The following THSD8 variants were observed in gnomAD, a reference collection of about 807,000 sequenced individuals.
The protein encoded by THSD8 is thrombospondin type-1 domain-containing protein 8.
rs1329703501 is a variant in THSD8, at chr19:12,804,094, CCTT to C, written c.149-7_149-5del. 1.3e-5 allele frequency: 5 copies of C among 398,402 alleles called. No individual in the cohort carries two copies. The highest frequency in any genetic ancestry group is 1.8e-5 in the Non-Finnish European group (4 of 226,078). 24.7% of individuals were successfully genotyped at this position (398,402 alleles called of 1,614,324 possible). On this transcript the variant is annotated splice_polypyrimidine_tract_variant and splice_region_variant and intron_variant, in intron 1 of 1. Coordinates refer to ENST00000639810, the MANE Select transcript of THSD8 (RefSeq NM_001386800.1). The stretch of plus-strand genomic sequence containing the variant: ...CCACGTAGGTCTTCACCTCTGCCCT[CCTT>C]CTCTAGAAGTCGAGGACTCAATCCT...
chr19:12,803,818 A>AGGAGGATT (rs920185713), intron 1 of THSD8, among the ~76,000 whole-genome samples: 6 of 140,828 alleles, frequency 4.3e-5, no homozygotes, highest in Non-Finnish European at 9.2e-5. Flanking sequence ...AGGCCGAGGT[A>AGGAGGATT]GGAGGATTGC....
chr19:12,802,080 G>T lies in THSD8; in HGVS notation c.9G>T (p.Arg3=), dbSNP rs566564316. 10 of 398,594 alleles carry T rather than the reference G, an allele frequency of 2.5e-5. No individual in the cohort carries two copies. In the South Asian group the frequency reaches 1.3e-3, roughly 51 times the overall value. 24.7% of individuals were successfully genotyped at this position (398,594 alleles called of 1,614,324 possible). A position where few individuals can be genotyped will look rare whatever the true frequency, so the allele number is the denominator to read the frequency against. ...GGCCGTTGGAGTCCAGCATGGCGCGGACCCCGGGGGCGCTGCTGCTGGCGC... is the reference window on the plus strand; with the variant it reads ...GGCCGTTGGAGTCCAGCATGGCGCGTACCCCGGGGGCGCTGCTGCTGGCGC... MA[R]TPGALLLAPL... is the part of the protein sequence containing the mutation. The change falls in exon 1 of 2, where the codon CGG becomes CGT. Residue 3 remains arginine (R), a synonymous_variant. Coordinates refer to ENST00000639810, the MANE Select transcript of THSD8 (RefSeq NM_001386800.1).
chr19:12,803,201 G>A (rs1428595785), intron 1 of THSD8, among the ~76,000 whole-genome samples: 3 of 152,212 alleles, frequency 2.0e-5, no homozygotes, highest in African/African-American at 7.2e-5. Flanking sequence ...GCTGCAGTGA[G>A]CCATGATTAT....
chr19:12,803,053 G>A (rs1056357893), intron 1 of THSD8, among the ~76,000 whole-genome samples: 2 of 151,962 alleles, frequency 1.3e-5, no homozygotes, highest in Admixed American at 6.6e-5. Context: ...GGGCAACATG[G>A]AGAGACCCCC....
rs1250653291 is a variant in THSD8, at chr19:12,804,124, G to A, written c.169G>A (p.Gly57Ser). 2 of 398,390 alleles carry A rather than the reference G, an allele frequency of 5.0e-6. No individual in the cohort carries two copies. Among genetic ancestry groups the A allele is most frequent in the African/African-American group, 4.1e-5 (2 of 48,560 alleles). 24.7% of individuals were successfully genotyped at this position (398,390 alleles called of 1,614,324 possible). A position where few individuals can be genotyped will look rare whatever the true frequency, so the allele number is the denominator to read the frequency against. ...TCTAGAAGTCGAGGACTCAATCCTT[G>A]GCCCGTGGGGAAAGTGGCGGTGTCT... is the stretch of plus-strand genomic sequence containing the variant. The part of the protein sequence containing the change: ...HLKEVEDSIL[G>S]PWGKWRCLCD... Residue 57 changes from glycine (G) to serine (S), a missense_variant, in exon 2 of 2, where the codon GGC (glycine) becomes AGC (serine). Transcript: ENST00000639810.
chr19:12,802,117 C>T lies in THSD8; in HGVS notation c.46C>T (p.Leu16=). Residue 16 remains leucine (L), a synonymous_variant, in exon 1 of 2, where the codon CTG becomes TTG. Coordinates refer to ENST00000639810, the MANE Select transcript of THSD8 (RefSeq NM_001386800.1). ...GALLLAPLLL[L]QLATPALVYQ... is the part of the protein sequence containing the mutation. ...GCTGCTGCTGGCGCCTCTGCTACTC[C>T]TGCAGCTGGCGACCCCTGCCCTGGT... 2.5e-6 allele frequency: 1 copy of T among 398,730 alleles called. No individual in the cohort carries two copies. The highest frequency in any genetic ancestry group is 4.4e-5 in the Admixed American group (1 of 22,738). 24.7% of individuals were successfully genotyped at this position (398,730 alleles called of 1,614,324 possible). A position where few individuals can be genotyped will look rare whatever the true frequency, so the allele number is the denominator to read the frequency against.
At chr19:12,803,622 T>C (rs927065599) in intron 1 of THSD8, among the ~76,000 whole-genome samples, 1 of 151,984 alleles carries the variant, frequency 6.6e-6, no homozygotes, top group African/African-American at 2.4e-5. Flanking sequence ...AAATATTAAA[T>C]GAGGCCAGGC....
chr19:12,803,141 G>T (rs898653284), intron 1 of THSD8, among the ~76,000 whole-genome samples: 1 of 152,122 alleles, frequency 6.6e-6, no homozygotes, highest in African/African-American at 2.4e-5. Flanking sequence ...TGTAGTCCCA[G>T]CTACTCAAGA....
At chr19:12,802,681 G>A (rs1370804386) in intron 1 of THSD8, among the ~76,000 whole-genome samples, 2 of 152,160 alleles carry the variant, frequency 1.3e-5, no homozygotes, top group African/African-American at 2.4e-5. Context: ...GAAAGAGGTC[G>A]GTGAGGTGTG....
In THSD8 at chr19:12,802,103, C is replaced by T. The variant is rs1968914443; in HGVS notation, c.32C>T (p.Ala11Val). 2.5e-6 allele frequency: 1 copy of T among 398,726 alleles called. No individual in the cohort carries two copies. The allele number at this position is 398,726 out of a possible 1,614,324, so 24.7% of individuals were successfully genotyped here. A position where few individuals can be genotyped will look rare whatever the true frequency, so the allele number is the denominator to read the frequency against. MARTPGALLL[A>V]PLLLLQLATP... ...CGGACCCCGGGGGCGCTGCTGCTGG[C>T]GCCTCTGCTACTCCTGCAGCTGGCG... Residue 11 changes from alanine to valine, a missense_variant, in exon 1 of 2, where the codon GCG (alanine) becomes GTG (valine). Coordinates refer to ENST00000639810, the MANE Select transcript of THSD8 (RefSeq NM_001386800.1).
intron 1 of THSD8, among the ~76,000 whole-genome samples, chr19:12,802,902 C>T (rs1039602520): frequency 5.3e-5 from 8 of 151,966 alleles, no homozygotes; most frequent in East Asian, 1.9e-4. Context: ...CCCTTGGTCT[C>T]GGAGACCAGA....
intron 1 of THSD8, among the ~76,000 whole-genome samples, chr19:12,802,620 A>C (rs1250955643): frequency 6.6e-6 from 1 of 152,174 alleles, no homozygotes; most frequent in Non-Finnish European, 1.5e-5. Flanking sequence ...AAGAATGTCC[A>C]AGGAAGAGGG....
Position 12,802,232 on chromosome 19 carries a change from G to T in THSD8, c.148+13G>T. 1 of 398,684 alleles carries T rather than the reference G, an allele frequency of 2.5e-6. No individual in the cohort carries two copies. Among genetic ancestry groups the T allele is most frequent in the African/African-American group, 2.1e-5 (1 of 48,774 alleles). 24.7% of individuals were successfully genotyped at this position (398,684 alleles called of 1,614,324 possible). On this transcript the variant is annotated intron_variant, in intron 1 of 1. Transcript: ENST00000639810. ...CAGCATCTAAAGGGTAACCTCAGGC[G>T]GCGGGGATGACGATGCCCAAAGGCT...
chr19:12,802,837 G>C (rs1968926748), intron 1 of THSD8, among the ~76,000 whole-genome samples: 1 of 152,076 alleles, frequency 6.6e-6, no homozygotes. Context: ...ACAGTGGCCG[G>C]CGCGGTAGCT....
rs559940104 is a variant in THSD8 at position 12,804,265 on chromosome 19, C to T, written c.310C>T (p.Pro104Ser). 5.0e-6 allele frequency: 2 copies of T among 398,398 alleles called. No homozygotes were observed. The highest frequency in any genetic ancestry group is 2.1e-5 in the African/African-American group (1 of 48,584). 24.7% of individuals were successfully genotyped at this position (398,398 alleles called of 1,614,324 possible). A position where few individuals can be genotyped will look rare whatever the true frequency, so the allele number is the denominator to read the frequency against. The change falls in exon 2 of 2, where the codon CCA (proline) becomes TCA (serine). Residue 104 changes from proline to serine, a missense_variant. Pro to Ser is a moderately conservative substitution (Grantham distance 74, BLOSUM62 -1). Transcript: ENST00000639810. ...ACGGCCCTGCCGGCAACGGGATTGT[C>T]CATCCTGCAAGCCCTTCGACTGCGA... ...QLRPCRQRDC[P>S]SCKPFDCDWR... is the part of the protein sequence containing the mutation.
In THSD8 at chr19:12,804,215, T is replaced by C. The variant is rs1034583083; in HGVS notation, c.260T>C (p.Met87Thr). 2.5e-6 allele frequency: 1 copy of C among 398,014 alleles called. No individual in the cohort carries two copies. The highest frequency in any genetic ancestry group is 2.1e-5 in the African/African-American group (1 of 48,484). The allele number at this position is 398,014 out of a possible 1,614,324, so 24.7% of individuals were successfully genotyped here. Residue 87 changes from methionine to threonine, a missense_variant, in exon 2 of 2, where the codon ATG (methionine) becomes ACG (threonine). Coordinates refer to ENST00000639810, the MANE Select transcript of THSD8 (RefSeq NM_001386800.1). ...VVGTAPGPVFMDPEKLIQLRP... is the reference protein window; with the variant it reads ...VVGTAPGPVFTDPEKLIQLRP... ...GGCACAGCGCCGGGCCCGGTTTTCA[T>C]GGACCCGGAGAAGCTGATCCAGTTA...
intron 1 of THSD8, among the ~76,000 whole-genome samples, chr19:12,803,285 T>C (rs1968932183): frequency 6.6e-6 from 1 of 152,070 alleles, no homozygotes; most frequent in African/African-American, 2.4e-5. Context: ...ATAAACAAAC[T>C]GATCATAATA....
chr19:12,802,848 C>G (rs1968927094), intron 1 of THSD8, among the ~76,000 whole-genome samples: 1 of 152,030 alleles, frequency 6.6e-6, no homozygotes, highest in African/African-American at 2.4e-5. Context: ...CGCGGTAGCT[C>G]ACGCCTATAA....
Position 12,802,128 on chromosome 19 carries a change from G to A in THSD8, c.57G>A (p.Ala19=). 1 of 398,702 alleles carries A rather than the reference G, an allele frequency of 2.5e-6. No individual in the cohort carries two copies. Among genetic ancestry groups the A allele is most frequent in the Non-Finnish European group, 4.4e-6 (1 of 226,114 alleles). The allele number at this position is 398,702 out of a possible 1,614,324, so 24.7% of individuals were successfully genotyped here. ...CGCCTCTGCTACTCCTGCAGCTGGC[G>A]ACCCCTGCCCTGGTCTACCAGGACT... is the stretch of plus-strand genomic sequence containing the variant. ...LLAPLLLLQL[A]TPALVYQDYQ... The change falls in exon 1 of 2, where the codon GCG becomes GCA. Residue 19 remains alanine, a synonymous_variant. Coordinates refer to ENST00000639810, the MANE Select transcript of THSD8 (RefSeq NM_001386800.1).
Sources: gnomAD v4.1 joint callset for allele counts (sites outside exome capture counted in the v4.1 genomes callset) on GRCh38, gnomAD v4.1.1 for gene constraint, MANE v1.5 for transcripts, NCBI Gene and HGNC (gene_info 2026-07-23, HGNC 2026-07-21) for gene names.